Variants in TBL1XR1 observed in about 807,000 individuals in gnomAD.
TBL1XR1 encodes F-box-like/WD repeat-containing protein TBL1XR1.
TBL1XR1 carries 5 observed loss-of-function variants against 66.9 expected under a neutral mutation model. The ratio of observed to expected loss-of-function variants is 0.07; its 90% CI spans 0.04 to 0.16. The LOEUF (loss-of-function observed/expected upper bound fraction) is 0.16. Among genes scored for constraint, TBL1XR1 ranks in the 10% least tolerant of loss-of-function variants. The pLI is 1.00. For synonymous variants in TBL1XR1, 210 were observed against 206.0 expected, an observed-to-expected ratio of 1.02 and a Z score of -0.17; for missense variants, 238 against 623.2, an observed-to-expected ratio of 0.38 and a Z score of 6.58.
chr3:177,192,816 ACT>A (rs1313708498), intron 1 of TBL1XR1, among the ~76,000 whole-genome samples: 3 of 152,178 alleles, frequency 2.0e-5, no homozygotes, highest in Non-Finnish European at 4.4e-5. Flanking sequence ...GATCTTCTTA[ACT>A]CTATGAAAGT....
rs1712823931 is a variant in TBL1XR1 at position 177,024,622 on chromosome 3, A to G, written c.*876T>C. 6.6e-6 allele frequency: 1 copy of G among 151,826 alleles called. No homozygotes were observed. Among genetic ancestry groups the G allele is most frequent in the African/African-American group, 2.4e-5 (1 of 41,370 alleles). 9.4% of individuals were successfully genotyped at this position (151,826 alleles called of 1,614,324 possible). On this transcript the variant is annotated 3_prime_UTR_variant, in exon 16 of 16. Transcript: ENST00000457928. Reference sequence around the variant, plus strand: ...GTATCTTCTCTATGGTAATTAAAAAAAAAGTTGTGCCCTTCTAGTCTTTAA... The same window carrying G: ...GTATCTTCTCTATGGTAATTAAAAAGAAAGTTGTGCCCTTCTAGTCTTTAA...
intron 2 of TBL1XR1, among the ~76,000 whole-genome samples, chr3:177,071,411 G>A (rs1212980594): frequency 6.6e-6 from 1 of 152,036 alleles, no homozygotes; most frequent in Non-Finnish European, 1.5e-5. Context: ...AGAAGATGTG[G>A]TTATTCCTTG....
chr3:177,169,437 G>A (rs550199715), intron 1 of TBL1XR1, among the ~76,000 whole-genome samples: 10 of 152,274 alleles, frequency 6.6e-5, no homozygotes, highest in South Asian at 2.1e-4. Flanking sequence ...GTTCCAGGAA[G>A]ACACTAAAGA....
At chr3:177,060,214 T>C (rs1043418826) in intron 3 of TBL1XR1, among the ~76,000 whole-genome samples, 1 of 152,234 alleles carries the variant, frequency 6.6e-6, no homozygotes, top group Non-Finnish European at 1.5e-5. Flanking sequence ...ACATATATCC[T>C]ATTAGTTACG....
At chr3:177,051,237 G>A (rs531595231) in intron 5 of TBL1XR1, among the ~76,000 whole-genome samples, 1 of 152,130 alleles carries the variant, frequency 6.6e-6, no homozygotes, top group South Asian at 2.1e-4. Context: ...CATAGAAGAT[G>A]GGGCATTTCT....
At chr3:177,033,474 T>C (rs1160679938) in intron 13 of TBL1XR1, among the ~76,000 whole-genome samples, 2 of 152,198 alleles carry the variant, frequency 1.3e-5, no homozygotes, top group Non-Finnish European at 2.9e-5. Flanking sequence ...CTCTTTCGCA[T>C]GGTTTTGAAC....
intron 2 of TBL1XR1, among the ~76,000 whole-genome samples, chr3:177,092,857 T>C (rs898191098): frequency 1.3e-5 from 2 of 152,086 alleles, no homozygotes; most frequent in African/African-American, 4.8e-5. Context: ...GGACTATTCA[T>C]AACAGCCAAG....
chr3:177,193,395 C>T (rs1328990543), intron 1 of TBL1XR1, among the ~76,000 whole-genome samples: 2 of 151,948 alleles, frequency 1.3e-5, no homozygotes, highest in Non-Finnish European at 2.9e-5. Context: ...ACTGCAACCT[C>T]CACCTCCTGG....
At chr3:177,152,446 C>A (rs748247365) in intron 1 of TBL1XR1, among the ~76,000 whole-genome samples, 3 of 152,082 alleles carry the variant, frequency 2.0e-5, no homozygotes, top group Non-Finnish European at 4.4e-5. Flanking sequence ...ACCACCACGC[C>A]CGGCTAATTT....
intron 1 of TBL1XR1, among the ~76,000 whole-genome samples, chr3:177,151,382 G>A (rs911335391): frequency 7.2e-5 from 11 of 152,204 alleles, no homozygotes; most frequent in Admixed American, 3.3e-4. Flanking sequence ...ACCAGTCCAC[G>A]GCAGTGGGGC....
chr3:177,193,897 T>C (rs12636909), intron 1 of TBL1XR1, among the ~76,000 whole-genome samples: 15,103 of 152,176 alleles, frequency 0.099, 1,760 homozygotes, highest in East Asian at 0.49. Context: ...CTTCTTTGCA[T>C]CTCTGTTTCA....
chr3:177,042,948 T>C (rs1469203636), intron 10 of TBL1XR1, among the ~76,000 whole-genome samples: 1 of 152,092 alleles, frequency 6.6e-6, no homozygotes, highest in Non-Finnish European at 1.5e-5. Context: ...ATAATTCACA[T>C]ACCAATTCAC....
intron 1 of TBL1XR1, among the ~76,000 whole-genome samples, chr3:177,124,588 T>C (rs940332312): frequency 2.6e-5 from 4 of 152,108 alleles, no homozygotes; most frequent in African/African-American, 9.6e-5. Flanking sequence ...CTGGAAGGCC[T>C]TTCTCCCATT....
chr3:177,081,745 A>C (rs899121011), intron 2 of TBL1XR1, among the ~76,000 whole-genome samples: 4 of 2,794 alleles, frequency 1.4e-3, no homozygotes, highest in Non-Finnish European at 2.1e-3. Flanking sequence ...CCTGACTTCA[A>C]AAAAAAAAAA....
chr3:177,124,768 C>G (rs1314165800), intron 1 of TBL1XR1, among the ~76,000 whole-genome samples: 1 of 152,010 alleles, frequency 6.6e-6, no homozygotes, highest in African/African-American at 2.4e-5. Context: ...TAGTAAAACT[C>G]AAAATCTCAA....
At chr3:177,094,501 T>C (rs1328642050) in intron 2 of TBL1XR1, among the ~76,000 whole-genome samples, 1 of 152,224 alleles carries the variant, frequency 6.6e-6, no homozygotes, top group Non-Finnish European at 1.5e-5. Context: ...GAAGTCATTA[T>C]ATGAAACAGA....
At chr3:177,034,773 A>T (rs1311149373) in intron 12 of TBL1XR1, among the ~76,000 whole-genome samples, 1 of 152,102 alleles carries the variant, frequency 6.6e-6, no homozygotes, top group Non-Finnish European at 1.5e-5. Context: ...AAAAAGTAGC[A>T]TAGGAAATAA....
intron 1 of TBL1XR1, among the ~76,000 whole-genome samples, chr3:177,187,077 G>A (rs1165688864): frequency 1.3e-5 from 2 of 150,968 alleles, no homozygotes; most frequent in Non-Finnish European, 2.9e-5. Context: ...TGAGGCAGGA[G>A]AATGGCATGA....
rs891186813 is a variant in TBL1XR1, at chr3:177,021,303, T to C, written c.*4195A>G. 3.3e-5 allele frequency: 5 copies of C among 150,654 alleles called. No individual in the cohort carries two copies. The highest frequency in any genetic ancestry group is 5.9e-5 in the Non-Finnish European group (4 of 67,722). 9.3% of individuals were successfully genotyped at this position (150,654 alleles called of 1,614,324 possible). Reference sequence around the variant, plus strand: ...AGATGGATAAGTACATCAGACTAGATACAACATGCAGAATGTTTTCCTGAA... The same window carrying C: ...AGATGGATAAGTACATCAGACTAGACACAACATGCAGAATGTTTTCCTGAA... On this transcript the variant is annotated 3_prime_UTR_variant, in exon 16 of 16. Transcript: ENST00000457928.
Sources: gnomAD v4.1 joint callset for allele counts (sites outside exome capture counted in the v4.1 genomes callset) on GRCh38, gnomAD v4.1.1 for gene constraint, MANE v1.5 for transcripts, NCBI Gene and HGNC (gene_info 2026-07-23, HGNC 2026-07-21) for gene names.